The following SLC38A9 variants were observed in gnomAD, a reference collection of about 807,000 sequenced individuals.
SLC38A9 encodes the protein neutral amino acid transporter 9.
SLC38A9 carries 48 observed loss-of-function variants against 62.3 expected under a neutral mutation model. That is an observed-to-expected ratio of 0.77 (90% CI 0.61 to 0.98). The LOEUF (loss-of-function observed/expected upper bound fraction) is 0.98. Ranked by LOEUF, SLC38A9 falls within the 50% of genes least tolerant of loss-of-function variation. The pLI, the probability that SLC38A9 is intolerant of heterozygous loss-of-function variation, is 0.00. For missense variants in SLC38A9, 541 were observed against 679.8 expected (o/e 0.80, Z 2.27); for synonymous variants, 204 against 227.7 (o/e 0.90, Z 0.94).
At chr5:55,706,070 C>G (rs554843149) in intron 2 of SLC38A9, among the ~76,000 whole-genome samples, 1 of 152,068 alleles carries the variant, frequency 6.6e-6, no homozygotes, top group Non-Finnish European at 1.5e-5. Context: ...CCTGGGTATC[C>G]GGATTACACA....
intron 9 of SLC38A9, 111 bp from the exon 10 acceptor site, chr5:55,652,834 A>C: frequency 1.3e-6 from 1 of 791,020 alleles, no homozygotes. Context: ...ACCAACCTCA[A>C]CTCTTCCTAG....
chr5:55,666,820 G>A (rs1361636653), intron 7 of SLC38A9, among the ~76,000 whole-genome samples: 2 of 152,144 alleles, frequency 1.3e-5, no homozygotes, highest in Admixed American at 1.3e-4. Context: ...GAAGTCAGGA[G>A]ATCGAGACCA....
intron 11 of SLC38A9, among the ~76,000 whole-genome samples, chr5:55,646,330 C>T (rs1159471227): frequency 6.6e-6 from 1 of 152,046 alleles, no homozygotes; most frequent in African/African-American, 2.4e-5. Flanking sequence ...GAGATCACAC[C>T]ATTACACTGC....
chr5:55,658,607 T>C (rs1026849585), intron 8 of SLC38A9, among the ~76,000 whole-genome samples: 2 of 152,196 alleles, frequency 1.3e-5, no homozygotes, highest in African/African-American at 4.8e-5. Context: ...CAAGGAAGGA[T>C]TCTTCCTTAG....
At chr5:55,649,407 T>C (rs1746977941) in intron 10 of SLC38A9, 93 bp from the exon 11 acceptor site, 2 of 690,376 alleles carry the variant, frequency 2.9e-6, no homozygotes, top group Non-Finnish European at 2.3e-6. Context: ...CTCAGCAAAG[T>C]GTGGGAAACT....
chr5:55,678,138 G>GTTTTTTTTTTTTTTTTTTTTT (rs769465008), intron 3 of SLC38A9, among the ~76,000 whole-genome samples: 2 of 129,438 alleles, frequency 1.5e-5, no homozygotes. Flanking sequence ...AAGGTTACTG[G>GTTTTTTTTTTTTTTTTTTTTT]TTTTTTTTTC....
intron 3 of SLC38A9, among the ~76,000 whole-genome samples, chr5:55,691,669 G>A (rs73123617): frequency 0.054 from 8,171 of 152,256 alleles, 368 homozygotes; most frequent in African/African-American, 0.13. Context: ...AAACAGGAAA[G>A]TAACCTCTTA....
intron 5 of SLC38A9, 44 bp from the exon 6 acceptor site, chr5:55,669,664 C>A (rs1163998610): frequency 6.3e-7 from 1 of 1,591,204 alleles, no homozygotes; most frequent in South Asian, 1.1e-5. Flanking sequence ...GAGTTTCACT[C>A]TTCAAACATT....
At chr5:55,651,226 C>A (rs74568731) in intron 10 of SLC38A9, among the ~76,000 whole-genome samples, 80,284 of 136,506 alleles carry the variant, frequency 0.59, 24,940 homozygotes, top group South Asian at 0.71. Flanking sequence ...TGAACTTTCA[C>A]TGGGGGGGTT....
chr5:55,671,971 T>C (rs6889390), intron 4 of SLC38A9, among the ~76,000 whole-genome samples: 90,947 of 151,856 alleles, frequency 0.6, 27,830 homozygotes, highest in South Asian at 0.7. Context: ...TCTCAGCCTC[T>C]CAAGTAGCTG....
chr5:55,704,906 A>G (rs1014252008), intron 2 of SLC38A9, among the ~76,000 whole-genome samples: 9 of 152,308 alleles, frequency 5.9e-5, no homozygotes, highest in Admixed American at 5.9e-4. Context: ...GAGATAATAA[A>G]AATACTAGTC....
Position 55,627,932 on chromosome 5 carries a change from C to T in SLC38A9, c.1479G>A (p.Val493=), listed in dbSNP as rs1561290929. 6.2e-7 allele frequency: 1 copy of T among 1,612,760 alleles called. No homozygotes were observed. The highest frequency in any genetic ancestry group is 1.7e-5 in the Admixed American group (1 of 59,984). The change falls in exon 15 of 16, where the codon GTG becomes GTA. Residue 493 remains valine, a synonymous_variant. Transcript: ENST00000396865. ...TGTTTGGGTAGAAACAGGCCATGAT[C>T]ACTCCAGCTCCCACAATAATTAGAT... The part of the protein sequence containing the change: ...ILNLIIVGAG[V]IMACFYPNIG...
rs72147048 is a variant in SLC38A9 at position 55,680,220 on chromosome 5, T to TAGAGAGAG, written c.114-7526_114-7525insCTCTCTCT. On this transcript the variant is annotated intron_variant, in intron 3 of 15. Coordinates refer to ENST00000396865, the MANE Select transcript of SLC38A9 (RefSeq NM_173514.4). ...AAAGGTTTCAGTGTATATATCTATATATATATAGAGAGAGAGAGATACATT... is the reference window on the plus strand; with the variant it reads ...AAAGGTTTCAGTGTATATATCTATATAGAGAGAGATATATAGAGAGAGAGAGATACATT... Among the ~76,000 whole-genome samples, 515 of 90,768 alleles carry TAGAGAGAG rather than the reference T, an allele frequency of 5.7e-3. 3 individuals are homozygous for TAGAGAGAG. The highest frequency in any genetic ancestry group is 0.018 in the African/African-American group (491 of 27,078). 59.5% of individuals were successfully genotyped at this position (90,768 alleles called of 152,430 possible).
At chr5:55,631,250 G>A (rs1463502116) in intron 14 of SLC38A9, among the ~76,000 whole-genome samples, 1 of 152,076 alleles carries the variant, frequency 6.6e-6, no homozygotes, top group Non-Finnish European at 1.5e-5. Flanking sequence ...AGCATAAAGG[G>A]TCCTGAGACC....
At chr5:55,654,604 T>C (rs967804450) in intron 9 of SLC38A9, among the ~76,000 whole-genome samples, 2 of 148,802 alleles carry the variant, frequency 1.3e-5, no homozygotes, top group Non-Finnish European at 3.0e-5. Context: ...AGATCTTGTC[T>C]CAAATAAAAA....
At chr5:55,660,316 G>A (rs557126623) in intron 8 of SLC38A9, among the ~76,000 whole-genome samples, 184 of 152,162 alleles carry the variant, frequency 1.2e-3, no homozygotes, top group African/African-American at 4.3e-3. Flanking sequence ...GGGAGGCTGA[G>A]GTGAGAGGAT....
At chr5:55,642,114 C>T (rs778158848) in intron 12 of SLC38A9, among the ~76,000 whole-genome samples, 4 of 152,286 alleles carry the variant, frequency 2.6e-5, no homozygotes, top group African/African-American at 7.2e-5. Context: ...GGCGCGATCT[C>T]GGCTCACCAC....
At chr5:55,647,527 A>C (rs1561329417) in intron 11 of SLC38A9, among the ~76,000 whole-genome samples, 1 of 152,216 alleles carries the variant, frequency 6.6e-6, no homozygotes, top group Non-Finnish European at 1.5e-5. Flanking sequence ...AACAAATCTA[A>C]ATAAAATAAG....
At chr5:55,677,255 C>T (rs544091611) in intron 3 of SLC38A9, among the ~76,000 whole-genome samples, 108 of 152,068 alleles carry the variant, frequency 7.1e-4, no homozygotes, top group African/African-American at 2.6e-3. Context: ...TATAAAGTAT[C>T]AAATAAAACA....
Sources: gnomAD v4.1 joint callset for allele counts (sites outside exome capture counted in the v4.1 genomes callset) on GRCh38, gnomAD v4.1.1 for gene constraint, MANE v1.5 for transcripts, NCBI Gene and HGNC (gene_info 2026-07-23, HGNC 2026-07-21) for gene names.